The following PAM variants were observed in gnomAD, a reference collection of about 807,000 sequenced individuals.
PAM encodes peptidylglycine alpha-amidating monooxygenase, also known as peptidyl-glycine alpha-amidating monooxygenase.
Under a neutral mutation model 122.1 loss-of-function variants are expected in PAM, and 72 were observed. That is an observed-to-expected ratio of 0.59 (90% CI 0.49 to 0.72). PAM has a LOEUF of 0.72. Among genes scored for constraint, PAM ranks in the 30% least tolerant of loss-of-function variants. The pLI is 0.00. For synonymous variants in PAM, 389 were observed against 404.4 expected, an observed-to-expected ratio of 0.96 and a Z score of 0.46; for missense variants, 1,106 against 1,183.7, an observed-to-expected ratio of 0.93 and a Z score of 0.96.
chr5:102,876,418 A>T (rs985948969), intron 3 of PAM, among the ~76,000 whole-genome samples: 1 of 152,146 alleles, frequency 6.6e-6, no homozygotes, highest in Non-Finnish European at 1.5e-5. Context: ...TACTAATACC[A>T]TTGAAGAGTT....
At chr5:102,887,547 T>TTAGACTTC (rs1184815870) in intron 3 of PAM, among the ~76,000 whole-genome samples, 1 of 152,010 alleles carries the variant, frequency 6.6e-6, no homozygotes. Flanking sequence ...CATTAGCAAG[T>TTAGACTTC]AAAGCTTGAT....
intron 23 of PAM, among the ~76,000 whole-genome samples, chr5:103,020,630 C>T (rs2151289671): frequency 6.6e-6 from 1 of 152,206 alleles, no homozygotes; most frequent in East Asian, 1.9e-4. Flanking sequence ...TAAGGACTCG[C>T]TATGAGTTGC....
At position 102,960,047 on chromosome 5, in the gene PAM, G is replaced by T. The variant is rs924927079; in HGVS notation, c.1078G>T (p.Glu360Ter). The change falls in exon 13 of 26, where the codon GAA becomes TAA. Residue 360 changes from glutamate to a stop codon, truncating the protein, a stop_gained. Coordinates refer to ENST00000438793, the MANE Select transcript of PAM (RefSeq NM_001177306.2). LOFTEE classifies it high-confidence loss of function. ...PVKSDMVMMHEHHKETEYKDK... is the reference protein window; with the variant it reads ...PVKSDMVMMH The stretch of plus-strand genomic sequence containing the variant: ...GAAGTCTGATATGGTTATGATGCAT[G>T]AACATCATAAAGGTAATAATTGATG... 1 of 1,570,748 alleles carries T rather than the reference G, an allele frequency of 6.4e-7. No homozygotes were observed.
At chr5:102,991,262 A>G (rs985681819) in intron 16 of PAM, among the ~76,000 whole-genome samples, 1 of 152,136 alleles carries the variant, frequency 6.6e-6, no homozygotes, top group Non-Finnish European at 1.5e-5. Context: ...CATGTTCATG[A>G]TTGTATTTTT....
chr5:102,895,056 T>C lies in PAM; in HGVS notation c.211-6300T>C, dbSNP rs1008019309. Among the ~76,000 whole-genome samples the C allele has an allele frequency of 5.3e-5, 8 of 151,896 alleles. No homozygotes were observed. In the East Asian group the frequency reaches 1.6e-3, roughly 30 times the overall value. On this transcript the variant is annotated intron_variant, in intron 3 of 25. Transcript: ENST00000438793. ...TGAAAAACAAAACAACCAAAATTCTTAAATGAACTACAGGCCCTGCATTGT... is the reference window on the plus strand; with the variant it reads ...TGAAAAACAAAACAACCAAAATTCTCAAATGAACTACAGGCCCTGCATTGT...
intron 1 of PAM, among the ~76,000 whole-genome samples, chr5:102,769,301 T>G (rs970092840): frequency 2.6e-5 from 4 of 152,148 alleles, no homozygotes; most frequent in Non-Finnish European, 5.9e-5. Flanking sequence ...GTTCTGCAGA[T>G]TGTCTCTTCA....
At chr5:102,808,488 A>G (rs1337113234) in intron 1 of PAM, among the ~76,000 whole-genome samples, 1 of 152,212 alleles carries the variant, frequency 6.6e-6, no homozygotes, top group Non-Finnish European at 1.5e-5. Flanking sequence ...TCTCCCTGGT[A>G]AACAGCAATA....
chr5:102,784,689 G>A (rs552614689), intron 1 of PAM, among the ~76,000 whole-genome samples: 1 of 152,308 alleles, frequency 6.6e-6, no homozygotes, highest in African/African-American at 2.4e-5. Context: ...GAATTGAATT[G>A]ATGTTAACAT....
chr5:102,904,555 A>G (rs1288820751), intron 4 of PAM, among the ~76,000 whole-genome samples: 3 of 151,602 alleles, frequency 2.0e-5, no homozygotes, highest in East Asian at 1.9e-4. Context: ...ATGAAAAGCC[A>G]TTGTGCATGA....
At chr5:102,993,334 A>G (rs1335936078) in intron 16 of PAM, among the ~76,000 whole-genome samples, 1 of 152,052 alleles carries the variant, frequency 6.6e-6, no homozygotes, top group Non-Finnish European at 1.5e-5. Context: ...TGCCTCAGTA[A>G]TAACTGTTCC....
chr5:102,925,143 C>T (rs1748982012), intron 6 of PAM, 101 bp downstream of exon 6: 1 of 717,074 alleles, frequency 1.4e-6, no homozygotes, highest in Admixed American at 2.0e-5. Context: ...TGACAGTGTT[C>T]TGTATTGCTG....
intron 17 of PAM, 33 bp downstream of exon 17, chr5:103,003,182 T>C (rs1777922862): frequency 1.1e-6 from 1 of 913,510 alleles, no homozygotes; most frequent in South Asian, 1.3e-5. Context: ...TTAAGACTTG[T>C]ACTACATATA....
intron 3 of PAM, among the ~76,000 whole-genome samples, chr5:102,870,652 A>T (rs1022997958): frequency 2.0e-5 from 3 of 152,224 alleles, no homozygotes; most frequent in Admixed American, 1.3e-4. Context: ...AATAGTTTCC[A>T]TCCTTTTTTA....
chr5:102,997,593 C>G (rs918206786), intron 16 of PAM, among the ~76,000 whole-genome samples: 3 of 152,064 alleles, frequency 2.0e-5, no homozygotes, highest in Non-Finnish European at 4.4e-5. Flanking sequence ...CCTTCATTTG[C>G]TATTTTTCTT....
chr5:102,769,533 G>T (rs1361135483), intron 1 of PAM, among the ~76,000 whole-genome samples: 1 of 152,054 alleles, frequency 6.6e-6, no homozygotes, highest in East Asian at 1.9e-4. Context: ...TTTTGTATAT[G>T]GTAAGAGATA....
At chr5:102,895,320 A>G (rs1041738870) in intron 3 of PAM, among the ~76,000 whole-genome samples, 8 of 151,788 alleles carry the variant, frequency 5.3e-5, no homozygotes, top group Non-Finnish European at 1.0e-4. Flanking sequence ...TTTAACATTT[A>G]TGTGTAATTA....
Position 102,944,758 on chromosome 5 carries a change from A to G in PAM, c.527-2079A>G, listed in dbSNP as rs116281508. ...TTAAGAATTTCCTTTTACCCAGACC[A>G]TGGCATTTATCTTACTAAAATTTCT... On this transcript the variant is annotated intron_variant, in intron 7 of 25. Transcript: ENST00000438793. Among the ~76,000 whole-genome samples, 1,225 of 152,248 alleles carry G rather than the reference A, an allele frequency of 8.0e-3. 22 individuals carry two copies. Among genetic ancestry groups the G allele is most frequent in the African/African-American group, 0.028 (1,144 of 41,552 alleles).
intron 4 of PAM, among the ~76,000 whole-genome samples, chr5:102,910,169 C>G (rs549656345): frequency 1.8e-4 from 28 of 151,810 alleles, no homozygotes; most frequent in Non-Finnish European, 3.4e-4. Context: ...AAATGACATT[C>G]TCCCCCAGGT....
At chr5:102,794,594 GTTTGATTCAA>G (rs1197436804) in intron 1 of PAM, among the ~76,000 whole-genome samples, 1 of 152,088 alleles carries the variant, frequency 6.6e-6, no homozygotes. Context: ...ACTGAAGATA[GTTTGATTCAA>G]TATGAAACAG....
Sources: gnomAD v4.1 joint callset for allele counts (sites outside exome capture counted in the v4.1 genomes callset) on GRCh38, gnomAD v4.1.1 for gene constraint, MANE v1.5 for transcripts, NCBI Gene and HGNC (gene_info 2026-07-23, HGNC 2026-07-21) for gene names.